Variants in NKIRAS1 observed in about 807,000 individuals in gnomAD.
NKIRAS1 encodes NF-kappa-B inhibitor-interacting Ras-like protein 1.
In NKIRAS1, 16 loss-of-function variants were observed where a neutral mutation model predicts 19.8. The ratio of observed to expected loss-of-function variants is 0.81; its 90% CI spans 0.55 to 1.23. The LOEUF is 1.23. Among genes scored for constraint, NKIRAS1 ranks in the 50% most tolerant of loss-of-function variants. The pLI is 0.00. For missense variants in NKIRAS1, 184 were observed against 220.0 expected (o/e 0.84, Z 1.04); for synonymous variants, 88 against 79.0 (o/e 1.11, Z -0.61).
intron 1 of NKIRAS1, among the ~76,000 whole-genome samples, chr3:23,936,355 G>A (rs934353639): frequency 6.6e-6 from 1 of 152,146 alleles, no homozygotes; most frequent in Non-Finnish European, 1.5e-5. Flanking sequence ...TATATACTTA[G>A]TCACATTGGC....
At chr3:23,897,885 C>T (rs1447589824) in intron 4 of NKIRAS1, among the ~76,000 whole-genome samples, 1 of 152,214 alleles carries the variant, frequency 6.6e-6, no homozygotes, top group East Asian at 1.9e-4. Flanking sequence ...CTACCACATT[C>T]CCTGTACCTA....
At chr3:23,893,677 T>C (rs1259015292) in intron 4 of NKIRAS1, among the ~76,000 whole-genome samples, 1 of 151,502 alleles carries the variant, frequency 6.6e-6, no homozygotes, top group Non-Finnish European at 1.5e-5. Flanking sequence ...CGTAGTGGTG[T>C]GCGCCTGTAC....
chr3:23,900,866 G>C lies in NKIRAS1; in HGVS notation c.278C>G (p.Ser93Cys), dbSNP rs1415182011. Reference protein sequence around the residue: ...VLVYSVNNLESFQRVELLKKE... With the variant: ...VLVYSVNNLECFQRVELLKKE... ...CTTCAGAAGCTCCACTCTTTGAAAG[G>C]ATTCAAGGTTATTCACACTGTACAC... The change falls in exon 4 of 5, where the codon TCC becomes TGC. Residue 93 changes from serine to cysteine, a missense_variant. Physicochemically the swap from Ser to Cys is moderately radical, Grantham distance 112. Coordinates refer to ENST00000425478, the MANE Select transcript of NKIRAS1 (RefSeq NM_020345.4). 3.1e-6 allele frequency: 5 copies of C among 1,613,396 alleles called. No individual in the cohort carries two copies. The African/African-American group carries it at 6.7e-5, about 22-fold the overall frequency.
chr3:23,913,242 A>T (rs1369955511), intron 1 of NKIRAS1, among the ~76,000 whole-genome samples: 1 of 152,200 alleles, frequency 6.6e-6, no homozygotes, highest in East Asian at 1.9e-4. Flanking sequence ...AGAAGTCTTC[A>T]TCATGGGCAA....
At chr3:23,910,385 C>T (rs920746815) in intron 3 of NKIRAS1, among the ~76,000 whole-genome samples, 1 of 150,430 alleles carries the variant, frequency 6.6e-6, no homozygotes, top group Non-Finnish European at 1.5e-5. Context: ...GAACTCCTGA[C>T]ATCAGGTGAT....
Position 23,890,464 on chromosome 3 carries a change from T to C in NKIRAS1, c.*2631A>G, listed in dbSNP as rs780646825. On this transcript the variant is annotated 3_prime_UTR_variant, in exon 5 of 5. Transcript: ENST00000425478. Reference sequence around the variant, plus strand: ...TGTCACTATTCGCTAAAGTTTAAAATGTTCTTTTCCTTTCTCCAAAGTAAT... The same window carrying C: ...TGTCACTATTCGCTAAAGTTTAAAACGTTCTTTTCCTTTCTCCAAAGTAAT... 14 of 1,584,460 alleles carry C rather than the reference T, an allele frequency of 8.8e-6. No homozygotes were observed. In the South Asian group the frequency reaches 1.3e-4, roughly 14 times the overall value.
chr3:23,899,285 G>A (rs1702271093), intron 4 of NKIRAS1, among the ~76,000 whole-genome samples: 1 of 152,132 alleles, frequency 6.6e-6, no homozygotes, highest in Admixed American at 6.6e-5. Context: ...TGGTTATGAT[G>A]TACTAGAGTT....
In NKIRAS1 at chr3:23,900,840, T is replaced by C; in HGVS notation, c.304A>G (p.Lys102Glu). The C allele has an allele frequency of 6.2e-7, 1 of 1,613,948 alleles. No individual in the cohort carries two copies. Among genetic ancestry groups the C allele is most frequent in the Non-Finnish European group, 8.5e-7 (1 of 1,179,848 alleles). Residue 102 changes from lysine (K) to glutamate (E), a missense_variant, in exon 4 of 5, where the codon AAA becomes GAA. Transcript: ENST00000425478. ...ESFQRVELLK[K>E]EIDKFKDKKE... ...TTGTCTTTGAACTTATCGATTTCTTTCTTCAGAAGCTCCACTCTTTGAAAG... is the reference window on the plus strand; with the variant it reads ...TTGTCTTTGAACTTATCGATTTCTTCCTTCAGAAGCTCCACTCTTTGAAAG...
upstream of NKIRAS1, chr3:23,918,107 C>T (rs1704773927): frequency 2.0e-6 from 3 of 1,520,156 alleles, no homozygotes; most frequent in South Asian, 2.5e-5. Flanking sequence ...TAGGAAGACA[C>T]TGCTGCCTCA....
At chr3:23,910,450 C>T (rs145881877) in intron 3 of NKIRAS1, among the ~76,000 whole-genome samples, 2,077 of 152,252 alleles carry the variant, frequency 0.014, 25 homozygotes, top group Middle Eastern at 0.031. Context: ...CCACCATGCC[C>T]ACTGGAAAGT....
At chr3:23,941,311 G>C (rs1230268365) in intron 1 of NKIRAS1, among the ~76,000 whole-genome samples, 1 of 152,206 alleles carries the variant, frequency 6.6e-6, no homozygotes, top group East Asian at 1.9e-4. Flanking sequence ...TGGGATAAGA[G>C]GACTCTTAAC....
At chr3:23,931,122 T>C (rs779222221) in intron 1 of NKIRAS1, among the ~76,000 whole-genome samples, 3 of 152,230 alleles carry the variant, frequency 2.0e-5, no homozygotes, top group Non-Finnish European at 2.9e-5. Flanking sequence ...CCTGATACAG[T>C]TGTGTATGCT....
chr3:23,927,732 T>G lies in NKIRAS1; in HGVS notation c.-139-16282A>C, dbSNP rs1705233356. ...AACATACTATTTAGCTTCCCGAGGT[T>G]GATTATTAACTAAGCTAGGATGTTT... On this transcript the variant is annotated intron_variant, in intron 1 of 4. Transcript: ENST00000421515. The surrounding 1 kb of genome is among the most constrained non-coding windows in gnomAD (Gnocchi z 4.0). Among the ~76,000 whole-genome samples, 1 of 152,146 alleles carries G rather than the reference T, an allele frequency of 6.6e-6. No individual in the cohort carries two copies. Among genetic ancestry groups the G allele is most frequent in the African/African-American group, 2.4e-5 (1 of 41,416 alleles).
intron 1 of NKIRAS1, among the ~76,000 whole-genome samples, chr3:23,925,038 C>T (rs974767151): frequency 6.6e-6 from 1 of 152,154 alleles, no homozygotes; most frequent in African/African-American, 2.4e-5. Flanking sequence ...CGTAGAACAC[C>T]CTAACCTGTA....
At chr3:23,943,900 A>G (rs180990640) in intron 1 of NKIRAS1, among the ~76,000 whole-genome samples, 21 of 152,340 alleles carry the variant, frequency 1.4e-4, no homozygotes, top group Non-Finnish European at 2.8e-4. Context: ...GAATTTTTTC[A>G]AAGTGTAACA....
At chr3:23,919,743 A>G (rs1704967901), upstream of NKIRAS1, 12 of 1,305,316 alleles carry the variant, frequency 9.2e-6, no homozygotes, top group Non-Finnish European at 1.1e-5. Flanking sequence ...AGTGTATAAA[A>G]CATACTGTGT....
At chr3:23,913,344 A>G (rs1361114281) in intron 1 of NKIRAS1, among the ~76,000 whole-genome samples, 2 of 152,156 alleles carry the variant, frequency 1.3e-5, no homozygotes, top group Non-Finnish European at 2.9e-5. Flanking sequence ...GACAGAACAG[A>G]CCTCATTAAA....
intron 4 of NKIRAS1, among the ~76,000 whole-genome samples, chr3:23,897,854 G>C (rs1207376671): frequency 6.6e-6 from 1 of 152,144 alleles, no homozygotes; most frequent in Non-Finnish European, 1.5e-5. Flanking sequence ...AGCTTTATTG[G>C]GATATGGACT....
chr3:23,940,163 T>C (rs974137215), intron 1 of NKIRAS1, among the ~76,000 whole-genome samples: 16 of 102,014 alleles, frequency 1.6e-4, no homozygotes, highest in African/African-American at 6.6e-4. Context: ...GACTCCCATC[T>C]CTACCAAAAA....
Sources: gnomAD v4.1 joint callset for allele counts (sites outside exome capture counted in the v4.1 genomes callset) on GRCh38, gnomAD v4.1.1 for gene constraint, Gnocchi (gnomAD v3.1) non-coding constraint, MANE v1.5 for transcripts, NCBI Gene and HGNC (gene_info 2026-07-23, HGNC 2026-07-21) for gene names.